Variants in GLOD4 observed in about 807,000 individuals in gnomAD.
GLOD4 encodes glyoxalase domain containing 4.
In GLOD4, 44 loss-of-function variants were observed where a neutral mutation model predicts 39.1. That is an observed-to-expected ratio of 1.13 (90% CI 0.88 to 1.45). The LOEUF (loss-of-function observed/expected upper bound fraction) is 1.45, where lower values mean the gene tolerates loss of function less well. GLOD4 is among the 40% of genes most tolerant of loss of function. GLOD4 has a pLI of 0.00. For synonymous variants in GLOD4, 145 were observed against 135.0 expected (o/e 1.07, Z -0.52); for missense variants, 405 against 366.4 (o/e 1.11, Z -0.86).
intron 8 of GLOD4, among the ~76,000 whole-genome samples, chr17:767,629 C>T (rs1224653305): frequency 2.0e-5 from 3 of 148,562 alleles, no homozygotes; most frequent in Non-Finnish European, 3.0e-5. Flanking sequence ...AGAAACAGCA[C>T]GCACTCAGAT....
At chr17:774,971 A>T (rs1394910300) in intron 4 of GLOD4, among the ~76,000 whole-genome samples, 1 of 152,104 alleles carries the variant, frequency 6.6e-6, no homozygotes, top group Non-Finnish European at 1.5e-5. Flanking sequence ...GGAGAGGCTG[A>T]GGCAGGAGAA....
upstream of GLOD4, chr17:782,942 C>T (rs1597592796): frequency 1.6e-5 from 20 of 1,251,376 alleles, no homozygotes; most frequent in African/African-American, 4.5e-5. Context: ...CCCGCCTCGG[C>T]CTCCCAATGT....
At chr17:768,183 A>T (rs3116051) in intron 8 of GLOD4, among the ~76,000 whole-genome samples, 4 of 135,670 alleles carry the variant, frequency 2.9e-5, no homozygotes, top group African/African-American at 1.2e-4. Flanking sequence ...GAAACGGCGC[A>T]CACTCAGATT....
intron 1 of GLOD4, among the ~76,000 whole-genome samples, chr17:780,034 G>T (rs1302614845): frequency 1.3e-5 from 2 of 152,108 alleles, no homozygotes. Context: ...CGTGGTGGCG[G>T]GCGCCTGTAG....
chr17:768,108 T>C (rs111881391), intron 8 of GLOD4, among the ~76,000 whole-genome samples: 11 of 109,748 alleles, frequency 1.0e-4, no homozygotes, highest in Middle Eastern at 9.4e-3. Flanking sequence ...CTGGAGAGGA[T>C]GTGTGAGAGA....
intron 1 of GLOD4, among the ~76,000 whole-genome samples, chr17:780,057 G>A (rs1490758271): frequency 6.6e-6 from 1 of 152,076 alleles, no homozygotes; most frequent in Admixed American, 6.5e-5. Context: ...CCAGCTACTC[G>A]GGAGGCTGAG....
chr17:770,428 TG>T lies in GLOD4; in HGVS notation c.622del (p.Gln208ArgfsTer7). The T allele has an allele frequency of 1.3e-6, 2 of 1,528,554 alleles. No homozygotes were observed. Among genetic ancestry groups the T allele is most frequent in the Non-Finnish European group, 1.8e-6 (2 of 1,101,760 alleles). 94.7% of individuals were successfully genotyped at this position (1,528,554 alleles called of 1,614,324 possible). A position where few individuals can be genotyped will look rare whatever the true frequency, so the allele number is the denominator to read the frequency against. Reference protein sequence around the residue: ...AFGRIAFSCPQKELPDLEDLM... With the variant: ...AFGRIAFSCPXKELPDLEDLM... ...TCTGGTATCAAGCGTTACCTCTTTC[TG>T]GGGGCAAGAGAAGGCAATTCTTCCA... On this transcript the variant is annotated frameshift_variant, in exon 6 of 9. Transcript: ENST00000301329. LOFTEE classifies it high-confidence loss of function.
At chr17:771,636 G>A (rs374113948) in intron 4 of GLOD4, among the ~76,000 whole-genome samples, 175 bp from the exon 5 acceptor site, 5 of 152,252 alleles carry the variant, frequency 3.3e-5, no homozygotes, top group African/African-American at 1.2e-4. Context: ...GGGAGACTGA[G>A]GTAGGAGGAT....
At chr17:779,562 C>G (rs556047396) in intron 1 of GLOD4, among the ~76,000 whole-genome samples, 70 of 151,276 alleles carry the variant, frequency 4.6e-4, no homozygotes, top group Non-Finnish European at 8.1e-4. Flanking sequence ...TGCTTGAACA[C>G]GGGAGGCAGA....
intron 8 of GLOD4, among the ~76,000 whole-genome samples, chr17:769,443 T>C (rs1375633655): frequency 2.1e-5 from 3 of 140,210 alleles, no homozygotes; most frequent in African/African-American, 5.5e-5. Flanking sequence ...GGGGAACGGA[T>C]AGAGGCATCT....
upstream of GLOD4, chr17:783,027 C>G: frequency 6.4e-7 from 1 of 1,553,882 alleles, no homozygotes; most frequent in South Asian, 1.2e-5. Flanking sequence ...CTAAGCGTGT[C>G]TCAGTAACAA....
Position 763,870 on chromosome 17 carries a change from G to A in GLOD4, c.832-3632C>T, listed in dbSNP as rs574939435. On this transcript the variant is annotated intron_variant, in intron 8 of 8. Coordinates refer to ENST00000301329, the MANE Select transcript of GLOD4 (RefSeq NM_016080.4). ...TGTAAGAGAAAAAGTTCATAAGCTG[G>A]ACTTCACCAAAATAAAAAATTCCTC... 3 of 152,270 alleles carry A rather than the reference G, an allele frequency of 2.0e-5. No individual in the cohort carries two copies. The South Asian group carries it at 6.2e-4, about 32-fold the overall frequency. 9.4% of individuals were successfully genotyped at this position (152,270 alleles called of 1,614,324 possible). A position where few individuals can be genotyped will look rare whatever the true frequency, so the allele number is the denominator to read the frequency against.
intron 4 of GLOD4, among the ~76,000 whole-genome samples, chr17:775,535 A>T (rs976078346): frequency 1.3e-5 from 2 of 152,260 alleles, no homozygotes; most frequent in African/African-American, 4.8e-5. Flanking sequence ...TGTTATTTAC[A>T]GATGAAAGAA....
upstream of GLOD4, chr17:782,557 A>C: frequency 6.2e-7 from 1 of 1,614,064 alleles, no homozygotes; most frequent in East Asian, 2.2e-5. Flanking sequence ...CAGCCCCGCA[A>C]GGCACCATCT....
rs189818804 is a variant in GLOD4 at position 780,056 on chromosome 17, C to G, written c.91-1312G>C. ...GCGGGCGCCTGTAGTACCAGCTACT[C>G]GGGAGGCTGAGGCAGGAGAATGGTG... is the stretch of plus-strand genomic sequence containing the variant. On this transcript the variant is annotated intron_variant, in intron 1 of 8. Coordinates refer to ENST00000301329, the MANE Select transcript of GLOD4 (RefSeq NM_016080.4). Among the ~76,000 whole-genome samples the G allele has an allele frequency of 2.1e-3, 317 of 152,050 alleles. 2 individuals carry two copies. The highest frequency in any genetic ancestry group is 7.4e-3 in the African/African-American group (305 of 41,468).
upstream of GLOD4, chr17:783,296 G>A: frequency 6.2e-7 from 1 of 1,613,612 alleles, no homozygotes; most frequent in Non-Finnish European, 8.5e-7. Context: ...TCAAGGATTG[G>A]TCCGACCTCG....
At chr17:773,835 C>G (rs767435908) in intron 4 of GLOD4, among the ~76,000 whole-genome samples, 54 of 152,140 alleles carry the variant, frequency 3.5e-4, no homozygotes, top group Non-Finnish European at 7.2e-4. Context: ...GACTTGGAGC[C>G]TGAAGGGACG....
At chr17:782,848 C>T (rs1910220896), upstream of GLOD4, among the ~76,000 whole-genome samples, 1 of 152,226 alleles carries the variant, frequency 6.6e-6, no homozygotes, top group Admixed American at 6.5e-5. Context: ...GAATTAGCTT[C>T]TGTTTCTCCT....
intron 8 of GLOD4, among the ~76,000 whole-genome samples, chr17:765,733 C>T (rs376231900): frequency 4.6e-5 from 7 of 151,716 alleles, no homozygotes; most frequent in Non-Finnish European, 5.9e-5. Flanking sequence ...TGTGAGCCAC[C>T]GCACCCGGCC....
Sources: allele counts gnomAD v4.1 joint callset (sites outside exome capture counted in the v4.1 genomes callset), GRCh38; gene constraint gnomAD v4.1.1; transcripts MANE v1.5; gene names NCBI Gene and HGNC (gene_info 2026-07-23, HGNC 2026-07-21).